MOBP: variants seen among roughly 807,000 people sequenced by gnomAD.
The protein encoded by MOBP is myelin-associated oligodendrocyte basic protein.
In MOBP, 5 loss-of-function variants were observed where a neutral mutation model predicts 15.0. That is an observed-to-expected ratio of 0.33 (90% CI 0.17 to 0.70). The LOEUF is 0.70. Ranked by LOEUF, MOBP falls within the 30% of genes least tolerant of loss-of-function variation. The pLI is 0.67. For missense variants in MOBP, 188 were observed against 257.8 expected, an observed-to-expected ratio of 0.73 and a Z score of 1.85; for synonymous variants, 88 against 99.0, an observed-to-expected ratio of 0.89 and a Z score of 0.66.
chr3:39,479,802 A>G (rs2042602535), intron 1 of MOBP, among the ~76,000 whole-genome samples: 2 of 141,664 alleles, frequency 1.4e-5, no homozygotes, highest in South Asian at 4.4e-4. Context: ...AATTAACTGG[A>G]CATATAGCTT....
At chr3:39,474,561 T>C (rs887237455) in intron 1 of MOBP, among the ~76,000 whole-genome samples, 1 of 152,196 alleles carries the variant, frequency 6.6e-6, no homozygotes, top group East Asian at 1.9e-4. Flanking sequence ...TGATCCCTCA[T>C]TGACTGAAAT....
At chr3:39,498,881 G>T (rs911996616) in intron 2 of MOBP, among the ~76,000 whole-genome samples, 4 of 152,160 alleles carry the variant, frequency 2.6e-5, no homozygotes, top group Non-Finnish European at 5.9e-5. Context: ...GTGCAGATGG[G>T]CATACAGTGA....
chr3:39,496,087 A>G (rs749806696), intron 2 of MOBP, among the ~76,000 whole-genome samples: 13 of 152,162 alleles, frequency 8.5e-5, no homozygotes, highest in Middle Eastern at 3.2e-3. Context: ...CTTTTTATTA[A>G]CTGTATATTT....
At chr3:39,497,244 G>A (rs1483142674) in intron 2 of MOBP, among the ~76,000 whole-genome samples, 2 of 152,338 alleles carry the variant, frequency 1.3e-5, no homozygotes, top group African/African-American at 4.8e-5. Context: ...TTTACTATCA[G>A]TCCCGGACAG....
intron 2 of MOBP, among the ~76,000 whole-genome samples, chr3:39,492,304 G>C (rs950629520): frequency 1.3e-5 from 2 of 152,112 alleles, no homozygotes; most frequent in African/African-American, 2.4e-5. Flanking sequence ...ACACCACCCA[G>C]ACCAGCCACC....
exon 5 of MOBP, chr3:39,514,331 AC>A: frequency 6.6e-6 from 1 of 152,080 alleles, no homozygotes; most frequent in Non-Finnish European, 1.5e-5. Flanking sequence ...ACAATGCCCT[AC>A]CCCCAGCTCC....
downstream of MOBP, among the ~76,000 whole-genome samples, chr3:39,505,308 A>AT (rs970948168): frequency 9.2e-5 from 14 of 152,022 alleles, no homozygotes; most frequent in Admixed American, 2.6e-4. Context: ...CCTTTGACTC[A>AT]TTTTTTTCTG....
intron 2 of MOBP, among the ~76,000 whole-genome samples, chr3:39,481,450 C>G (rs2125632544): frequency 6.6e-6 from 1 of 152,302 alleles, no homozygotes; most frequent in South Asian, 2.1e-4. Context: ...AGGTTTTTCT[C>G]AAGAATATTA....
intron 2 of MOBP, among the ~76,000 whole-genome samples, chr3:39,483,960 A>G (rs2042663733): frequency 1.3e-5 from 2 of 152,208 alleles, no homozygotes; most frequent in African/African-American, 2.4e-5. Flanking sequence ...TTTCAACCCA[A>G]TCAGTGTCAA....
At chr3:39,526,155 T>C (rs1428698038), downstream of MOBP, 3 of 152,242 alleles carry the variant, frequency 2.0e-5, no homozygotes, top group Non-Finnish European at 2.9e-5. Flanking sequence ...TTTTAGATTT[T>C]GGCAAAGCCA....
chr3:39,505,856 C>A (rs117380288), downstream of MOBP, among the ~76,000 whole-genome samples: 81 of 152,302 alleles, frequency 5.3e-4, no homozygotes, highest in East Asian at 0.013. Flanking sequence ...GTCATGTGTG[C>A]ATAGAGCTGC....
At chr3:39,508,210 C>T (rs2043071169) in intron 4 of MOBP, among the ~76,000 whole-genome samples, 2 of 152,216 alleles carry the variant, frequency 1.3e-5, no homozygotes, top group Non-Finnish European at 2.9e-5. Flanking sequence ...GTCATGTATG[C>T]ATGTGTAGTT....
intron 4 of MOBP, among the ~76,000 whole-genome samples, chr3:39,510,993 G>A (rs1266675578): frequency 6.6e-6 from 1 of 152,190 alleles, no homozygotes; most frequent in Admixed American, 6.5e-5. Flanking sequence ...TCAAGATATG[G>A]CTCAACTTTC....
At chr3:39,520,138 G>C (rs2043248470), downstream of MOBP, among the ~76,000 whole-genome samples, 1 of 151,984 alleles carries the variant, frequency 6.6e-6, no homozygotes. Context: ...TCCCAAACCA[G>C]CTCTGCTCTG....
At chr3:39,485,205 C>T (rs183237959) in intron 2 of MOBP, among the ~76,000 whole-genome samples, 5 of 152,280 alleles carry the variant, frequency 3.3e-5, no homozygotes, top group Admixed American at 1.3e-4. Context: ...ATAGTTGTCA[C>T]GGAGACAAAT....
chr3:39,468,881 ATG>A lies in MOBP; in HGVS notation c.-89+1149_-89+1150del, dbSNP rs1369902668. Among the ~76,000 whole-genome samples the A allele has an allele frequency of 8.4e-4, 94 of 111,782 alleles. 20 individuals carry two copies. The highest frequency in any genetic ancestry group is 3.3e-3 in the Admixed American group (40 of 11,962). The allele number at this position is 111,782 out of a possible 152,430, so 73.3% of individuals were successfully genotyped here. ...AGTGTGTATATATACATATATACAT[ATG>A]TGTGTGTATATATACATATATACAT... is the stretch of plus-strand genomic sequence containing the variant. On this transcript the variant is annotated intron_variant, in intron 1 of 3. Transcript: ENST00000684792.
At chr3:39,475,196 G>A (rs2042528319) in intron 1 of MOBP, among the ~76,000 whole-genome samples, 1 of 152,102 alleles carries the variant, frequency 6.6e-6, no homozygotes, top group Non-Finnish European at 1.5e-5. Context: ...GTCTTCTCAT[G>A]ATTAGGTTGA....
exon 5 of MOBP, chr3:39,524,745 G>C (rs1456389672): frequency 6.6e-6 from 1 of 152,118 alleles, no homozygotes; most frequent in Non-Finnish European, 1.5e-5. Flanking sequence ...ACGTAAATCT[G>C]TTCAAGGAAT....
chr3:39,470,950 A>G (rs1050827044), intron 1 of MOBP, among the ~76,000 whole-genome samples: 3 of 152,182 alleles, frequency 2.0e-5, no homozygotes, highest in Non-Finnish European at 4.4e-5. Context: ...TCAATCTTCA[A>G]TAATTTTCAG....
Sources: allele counts gnomAD v4.1 joint callset (sites outside exome capture counted in the v4.1 genomes callset), GRCh38; gene constraint gnomAD v4.1.1; transcripts MANE v1.5; gene names NCBI Gene and HGNC (gene_info 2026-07-23, HGNC 2026-07-21).